LAMA3: variants seen among roughly 807,000 people sequenced by gnomAD.
LAMA3 encodes the protein laminin subunit alpha-3.
In LAMA3, 281 loss-of-function variants were observed where a neutral mutation model predicts 402.0. The ratio of observed to expected loss-of-function variants is 0.70; its 90% CI spans 0.63 to 0.77. The LOEUF (loss-of-function observed/expected upper bound fraction) is 0.77, where lower values mean the gene tolerates loss of function less well. Ranked by LOEUF, LAMA3 falls within the 30% of genes least tolerant of loss-of-function variation. LAMA3 has a pLI of 0.00. For synonymous variants in LAMA3, 1,431 were observed against 1,558.4 expected (o/e 0.92, Z 1.93); for missense variants, 3,840 against 4,215.5 (o/e 0.91, Z 2.47).
chr18:23,769,072 A>T (rs1368041309), intron 8 of LAMA3, among the ~76,000 whole-genome samples: 1 of 152,198 alleles, frequency 6.6e-6, no homozygotes, highest in Non-Finnish European at 1.5e-5. Context: ...GATCAATCAT[A>T]CACCAAAGCT....
intron 7 of LAMA3, 98 bp from the exon 8 acceptor site, chr18:23,763,307 C>G (rs1241411142): frequency 1.1e-6 from 1 of 871,054 alleles, no homozygotes; most frequent in African/African-American, 1.7e-5. Flanking sequence ...CCAGAATATA[C>G]TTTTTTATAG....
At position 23,822,369 on chromosome 18, in the gene LAMA3, T is replaced by C. The variant is rs1222126421; in HGVS notation, c.2422T>C (p.Ser808Pro). 1.2e-6 allele frequency: 2 copies of C among 1,613,678 alleles called. No individual in the cohort carries two copies. Among genetic ancestry groups the C allele is most frequent in the East Asian group, 4.5e-5 (2 of 44,894 alleles). ...AVSGHITIYP[S>P]WGAAQSKEII... is the part of the protein sequence containing the mutation. ...ATCTGGCCATATAACTATTTATCCA[T>C]CCTGGGGTAAGGCACGTAGGTAAAA... The change falls in exon 20 of 75, where the codon TCC (serine) becomes CCC (proline). Residue 808 changes from serine (S) to proline (P), a missense_variant. Coordinates refer to ENST00000313654, the MANE Select transcript of LAMA3 (RefSeq NM_198129.4).
chr18:23,912,448 G>C lies in LAMA3; in HGVS notation c.7159-263G>C, dbSNP rs552488042. ...TCATTATTATTATTGCTAGCACAGA[G>C]GACTAAATGCACTGCTCAAATATCC... On this transcript the variant is annotated intron_variant, in intron 55 of 74. Transcript: ENST00000313654. 3.3e-5 allele frequency among the ~76,000 whole-genome samples: 5 copies of C among 152,170 alleles called. No individual in the cohort carries two copies. The South Asian group carries it at 1.0e-3, about 32-fold the overall frequency.
intron 13 of LAMA3, among the ~76,000 whole-genome samples, chr18:23,812,830 A>G (rs1485996453): frequency 6.6e-6 from 1 of 152,260 alleles, no homozygotes; most frequent in African/African-American, 2.4e-5. Flanking sequence ...ATGAGTAGAC[A>G]GGATAGGGAT....
chr18:23,883,468 C>T (rs909229526), intron 40 of LAMA3, among the ~76,000 whole-genome samples: 2 of 152,214 alleles, frequency 1.3e-5, no homozygotes, highest in Non-Finnish European at 2.9e-5. Context: ...GAGAACATCT[C>T]ACTAGTACAT....
At chr18:23,843,356 T>C (rs1158757667) in intron 29 of LAMA3, among the ~76,000 whole-genome samples, 2 of 152,300 alleles carry the variant, frequency 1.3e-5, no homozygotes. Flanking sequence ...ATAGCCCCGA[T>C]GTGCCTACCC....
intron 2 of LAMA3, among the ~76,000 whole-genome samples, chr18:23,721,171 A>AG (rs1184626286): frequency 6.6e-6 from 1 of 151,930 alleles, no homozygotes; most frequent in Non-Finnish European, 1.5e-5. Context: ...TAAAAAAAAA[A>AG]GTCTCTCTCT....
intron 23 of LAMA3, among the ~76,000 whole-genome samples, chr18:23,828,837 A>T (rs761057234): frequency 6.6e-6 from 1 of 152,188 alleles, no homozygotes. Flanking sequence ...AAACTTTTCA[A>T]TTGGCTCTTT....
At chr18:23,833,668 A>T (rs1036828713) in intron 23 of LAMA3, among the ~76,000 whole-genome samples, 160 bp from the exon 24 acceptor site, 4 of 152,250 alleles carry the variant, frequency 2.6e-5, no homozygotes, top group East Asian at 1.9e-4. Flanking sequence ...CATGTGTTTT[A>T]TCTGGCATCT....
At chr18:23,919,396 G>A (rs1201396334) in intron 60 of LAMA3, among the ~76,000 whole-genome samples, 1 of 152,222 alleles carries the variant, frequency 6.6e-6, no homozygotes, top group Non-Finnish European at 1.5e-5. Flanking sequence ...CACCGTAATG[G>A]AGATGCAATA....
chr18:23,720,698 T>C (rs2061195338), intron 2 of LAMA3, among the ~76,000 whole-genome samples: 3 of 152,194 alleles, frequency 2.0e-5, no homozygotes, highest in Admixed American at 2.0e-4. Flanking sequence ...GTCAAACAAT[T>C]CATTAGTGGG....
At chr18:23,921,318 C>A in intron 61 of LAMA3, 134 bp from the exon 62 acceptor site, 1 of 995,322 alleles carries the variant, frequency 1.0e-6, no homozygotes, top group Non-Finnish European at 1.4e-6. Context: ...AAAAATGCTA[C>A]TGCTCAGAGC....
intron 1 of LAMA3, among the ~76,000 whole-genome samples, chr18:23,706,763 C>T (rs976399474): frequency 2.0e-5 from 3 of 152,078 alleles, no homozygotes; most frequent in African/African-American, 7.2e-5. Flanking sequence ...TAAACTACCC[C>T]CAAAACTTAG....
At position 23,871,443 on chromosome 18, in the gene LAMA3, C is replaced by T; in HGVS notation, c.4780C>T (p.His1594Tyr). Residue 1594 changes from histidine to tyrosine, a missense_variant, in exon 38 of 75, where the codon CAT (histidine) becomes TAT (tyrosine). By Grantham distance (83) the His-to-Tyr change is moderately conservative (BLOSUM62 2). Around this residue, in one of 3 missense-constraint regions of LAMA3, gnomAD observed 2,109 missense variants for 2,376.0 expected, o/e 0.89. Coordinates refer to ENST00000313654, the MANE Select transcript of LAMA3 (RefSeq NM_198129.4). The part of the protein sequence containing the change: ...RVHVVEGNFR[H>Y]ASSRAPVSRE... Reference sequence around the variant, plus strand: ...TTTCCATGTGTAGGGAAACTTCAGACATGCCAGCAGCCGTGCCCCAGTGTC... The same window carrying T: ...TTTCCATGTGTAGGGAAACTTCAGATATGCCAGCAGCCGTGCCCCAGTGTC... The T allele has an allele frequency of 1.2e-6, 2 of 1,613,922 alleles. No homozygotes were observed. The highest frequency in any genetic ancestry group is 1.7e-6 in the Non-Finnish European group (2 of 1,179,930).
intron 1 of LAMA3, among the ~76,000 whole-genome samples, chr18:23,707,830 T>A (rs756282182): frequency 1.3e-5 from 2 of 151,872 alleles, no homozygotes; most frequent in African/African-American, 2.4e-5. Flanking sequence ...CACTGCAACC[T>A]TCACCTCCCA....
intron 66 of LAMA3, among the ~76,000 whole-genome samples, chr18:23,933,311 G>A (rs2082220961): frequency 6.6e-6 from 1 of 152,104 alleles, no homozygotes; most frequent in Non-Finnish European, 1.5e-5. Context: ...TGGGCTCCTC[G>A]CCGGCTTCTA....
rs8086771 is a variant in LAMA3 at position 23,790,906 on chromosome 18, T to A, written c.1603+6749T>A. ...CCTATTTTATCTTTTTTTTTTTTTT[T>A]AAGACAGAGTCTCGCTCTGTCACCC... On this transcript the variant is annotated intron_variant, in intron 12 of 74. Coordinates refer to ENST00000313654, the MANE Select transcript of LAMA3 (RefSeq NM_198129.4). Among the ~76,000 whole-genome samples, 892 of 144,860 alleles carry A rather than the reference T, an allele frequency of 6.2e-3. 7 individuals carry two copies. Among genetic ancestry groups the A allele is most frequent in the African/African-American group, 0.022 (834 of 38,072 alleles).
Position 23,814,405 on chromosome 18 carries a change from G to A in LAMA3, c.1791G>A (p.Gly597=), listed in dbSNP as rs775650721. 1.2e-6 allele frequency: 2 copies of A among 1,602,334 alleles called. No homozygotes were observed. Among genetic ancestry groups the A allele is most frequent in the African/African-American group, 2.7e-5 (2 of 74,784 alleles). Reference sequence around the variant, plus strand: ...GTTTGTTTGATTTTCATTCAAAGGGGTATTGCCAATGCAAGCTTCATGTTG... The same window carrying A: ...GTTTGTTTGATTTTCATTCAAAGGGATATTGCCAATGCAAGCTTCATGTTG... ...DPAGTINSNL[G]YCQCKLHVEG... Residue 597 remains glycine (G), a splice_region_variant and synonymous_variant, in exon 15 of 75, where the codon GGG becomes GGA. Coordinates refer to ENST00000313654, the MANE Select transcript of LAMA3 (RefSeq NM_198129.4).
rs2064225517 is a variant in LAMA3, at chr18:23,861,663, C to T, written c.4440C>T (p.Gly1480=). The change falls in exon 35 of 75, where the codon GGC becomes GGT. Residue 1480 remains glycine (G), a synonymous_variant. Transcript: ENST00000313654. ...CTTTCCAGTTTGTGGATATGCTGGG[C>T]TGGCACCTGGAGACAGCAGACAGAG... ...KRRTKFVDML[G]WHLETADRVD... is the part of the protein sequence containing the mutation. 2 of 1,614,202 alleles carry T rather than the reference C, an allele frequency of 1.2e-6. No homozygotes were observed. The highest frequency in any genetic ancestry group is 8.5e-7 in the Non-Finnish European group (1 of 1,180,034).
Sources: allele counts gnomAD v4.1 joint callset (sites outside exome capture counted in the v4.1 genomes callset), GRCh38; gene constraint gnomAD v4.1.1; regional missense constraint gnomAD v4.1.1; transcripts MANE v1.5; gene names NCBI Gene and HGNC (gene_info 2026-07-23, HGNC 2026-07-21).